The following ETFA variants were observed in gnomAD, a reference collection of about 807,000 sequenced individuals.
ETFA encodes the protein electron transfer flavoprotein subunit alpha.
In ETFA, 22 loss-of-function variants were observed where a neutral mutation model predicts 46.2. That is an observed-to-expected ratio of 0.48 (90% CI 0.34 to 0.68). The LOEUF is 0.68. Ranked by LOEUF, ETFA falls within the 30% of genes least tolerant of loss-of-function variation. ETFA has a pLI of 0.01. For missense variants in ETFA, 345 were observed against 401.1 expected (o/e 0.86, Z 1.19); for synonymous variants, 131 against 139.9 (o/e 0.94, Z 0.45).
At chr15:76,251,487 C>T (rs181267427) in intron 9 of ETFA, among the ~76,000 whole-genome samples, 14 of 152,164 alleles carry the variant, frequency 9.2e-5, no homozygotes, top group East Asian at 1.9e-4. Context: ...TACTAATAGA[C>T]GACAAAAATC....
intron 9 of ETFA, chr15:76,259,192 T>C: frequency 2.0e-6 from 3 of 1,522,200 alleles, no homozygotes; most frequent in South Asian, 2.2e-5. Context: ...TGATCCCCGC[T>C]AGGCAGCTCC....
chr15:76,220,204 C>A (rs1243245920), intron 11 of ETFA, among the ~76,000 whole-genome samples: 14 of 152,164 alleles, frequency 9.2e-5, no homozygotes, highest in Non-Finnish European at 2.1e-4. Context: ...GTAGCTGGGG[C>A]TATAGGTGCG....
At chr15:76,244,753 CAA>C (rs2039228447) in intron 9 of ETFA, among the ~76,000 whole-genome samples, 1 of 151,988 alleles carries the variant, frequency 6.6e-6, no homozygotes, top group South Asian at 2.1e-4. Flanking sequence ...ACAGCTACGA[CAA>C]AGACTGCTGT....
At chr15:76,292,781 C>G (rs2039780435) in intron 2 of ETFA, 81 bp from the exon 3 acceptor site, 2 of 963,956 alleles carry the variant, frequency 2.1e-6, no homozygotes, top group Non-Finnish European at 3.4e-6. Flanking sequence ...ATCAACAGAT[C>G]ATAAAATCTT....
intron 4 of ETFA, 53 bp from the exon 5 acceptor site, chr15:76,287,998 A>C: frequency 9.2e-7 from 1 of 1,090,950 alleles, no homozygotes; most frequent in South Asian, 1.2e-5. Context: ...ATGGAAGACT[A>C]TAAATGATCA....
intron 9 of ETFA, among the ~76,000 whole-genome samples, chr15:76,248,330 A>C (rs1161184872): frequency 1.3e-5 from 2 of 152,234 alleles, no homozygotes; most frequent in African/African-American, 4.8e-5. Context: ...TACCTGATTA[A>C]CTACATGGGG....
At chr15:76,301,097 T>G (rs909096690) in intron 1 of ETFA, among the ~76,000 whole-genome samples, 1 of 152,222 alleles carries the variant, frequency 6.6e-6, no homozygotes, top group Non-Finnish European at 1.5e-5. Flanking sequence ...CATAGAGTTG[T>G]TGTGAGGGTT....
intron 9 of ETFA, among the ~76,000 whole-genome samples, chr15:76,257,134 C>T (rs1323996021): frequency 1.3e-5 from 2 of 152,164 alleles, no homozygotes; most frequent in Non-Finnish European, 2.9e-5. Context: ...TTGGAAATGT[C>T]CCTAACAGTT....
intron 9 of ETFA, among the ~76,000 whole-genome samples, chr15:76,250,611 C>A (rs2039288835): frequency 6.6e-6 from 1 of 152,080 alleles, no homozygotes; most frequent in Non-Finnish European, 1.5e-5. Context: ...TAGCTCACTG[C>A]AGCCTTGATC....
At position 76,243,073 on chromosome 15, in the gene ETFA, G is replaced by A. The variant is rs146840750; in HGVS notation, c.817-11675C>T. ...GCACTTTGGGAGGACAAGGTGGGTG[G>A]ATCACTTCAGGCCAGGAGTTCAAGA... On this transcript the variant is annotated intron_variant, in intron 9 of 11. Coordinates refer to ENST00000557943, the MANE Select transcript of ETFA (RefSeq NM_000126.4). 5.6e-3 allele frequency among the ~76,000 whole-genome samples: 850 copies of A among 152,254 alleles called. 15 individuals are homozygous for A. Among genetic ancestry groups the A allele is most frequent in the African/African-American group, 0.02 (817 of 41,550 alleles).
chr15:76,225,359 G>C (rs372332423), intron 11 of ETFA, among the ~76,000 whole-genome samples: 1 of 152,128 alleles, frequency 6.6e-6, no homozygotes, highest in African/African-American at 2.4e-5. Flanking sequence ...CACGATCTCT[G>C]CTCACTGCAA....
intron 9 of ETFA, among the ~76,000 whole-genome samples, chr15:76,234,978 C>A (rs561199592): frequency 1.3e-5 from 2 of 152,258 alleles, no homozygotes; most frequent in Middle Eastern, 3.4e-3. Flanking sequence ...GCATCTGATG[C>A]GGTTTAACAG....
chr15:76,260,534 G>T (rs553328983), intron 9 of ETFA: 2 of 1,469,876 alleles, frequency 1.4e-6, no homozygotes, highest in Admixed American at 1.7e-5. Context: ...ACACACGTAC[G>T]ATCAGGCCCT....
chr15:76,231,874 TTG>T (rs1246383606), intron 9 of ETFA, among the ~76,000 whole-genome samples: 18 of 152,204 alleles, frequency 1.2e-4, no homozygotes, highest in Non-Finnish European at 2.1e-4. Flanking sequence ...TTTGGCTTAG[TTG>T]TTCGCCTTAT....
intron 1 of ETFA, among the ~76,000 whole-genome samples, chr15:76,304,975 A>G (rs2456062): frequency 0.98 from 148,706 of 151,914 alleles, 72,861 homozygotes; most frequent in South Asian, 1. Flanking sequence ...CCCAGGCAGC[A>G]GAGGCTGCAG....
chr15:76,300,983 A>G (rs1268609747), intron 1 of ETFA, among the ~76,000 whole-genome samples: 1 of 152,174 alleles, frequency 6.6e-6, no homozygotes, highest in Non-Finnish European at 1.5e-5. Flanking sequence ...CAGGCTTTGG[A>G]GCCAGCCACG....
intron 9 of ETFA, among the ~76,000 whole-genome samples, chr15:76,255,625 A>ACT: frequency 6.6e-6 from 1 of 152,240 alleles, no homozygotes; most frequent in Non-Finnish European, 1.5e-5. Flanking sequence ...AAGTCTGTAG[A>ACT]CATGACTGTG....
intron 9 of ETFA, among the ~76,000 whole-genome samples, chr15:76,257,359 G>T (rs142687725): frequency 5.9e-5 from 9 of 152,178 alleles, no homozygotes; most frequent in Non-Finnish European, 1.3e-4. Flanking sequence ...AGAAGTGTCT[G>T]TTCGGAACAG....
chr15:76,288,349 C>T (rs998669711), intron 4 of ETFA, among the ~76,000 whole-genome samples: 1 of 152,024 alleles, frequency 6.6e-6, no homozygotes. Context: ...TATACATTTA[C>T]TTAATGTATA....
Sources: gnomAD v4.1 joint callset for allele counts (sites outside exome capture counted in the v4.1 genomes callset) on GRCh38, gnomAD v4.1.1 for gene constraint, MANE v1.5 for transcripts, NCBI Gene and HGNC (gene_info 2026-07-23, HGNC 2026-07-21) for gene names.